Variants in CTNNA2 observed in about 807,000 individuals in gnomAD.
CTNNA2 encodes catenin alpha-2.
CTNNA2 carries 42 observed loss-of-function variants against 101.0 expected under a neutral mutation model. The ratio of observed to expected loss-of-function variants is 0.42; its 90% CI spans 0.32 to 0.54. The LOEUF (loss-of-function observed/expected upper bound fraction) is 0.54. Ranked by LOEUF, CTNNA2 falls within the 20% of genes least tolerant of loss-of-function variation. The probability of loss-of-function intolerance (pLI) is 0.14; values close to 1 mark genes in which losing one functional copy is unlikely to be tolerated. For missense variants in CTNNA2, 871 were observed against 1,223.1 expected, an observed-to-expected ratio of 0.71 and a Z score of 4.29; for synonymous variants, 450 against 456.4, an observed-to-expected ratio of 0.99 and a Z score of 0.18.
intron 3 of CTNNA2, among the ~76,000 whole-genome samples, chr2:79,779,663 A>C (rs1380842147): frequency 6.6e-6 from 1 of 152,188 alleles, no homozygotes. Context: ...ACTTTCCTAA[A>C]GTCTTTATAC....
chr2:79,982,214 A>ATC (rs1558697314), intron 7 of CTNNA2, among the ~76,000 whole-genome samples: 3 of 36,978 alleles, frequency 8.1e-5, no homozygotes, highest in African/African-American at 2.2e-4. Flanking sequence ...ATATATATAT[A>ATC]TATATATATA....
intron 16 of CTNNA2, among the ~76,000 whole-genome samples, chr2:80,606,977 A>G (rs918546358): frequency 2.6e-5 from 4 of 151,918 alleles, no homozygotes; most frequent in Non-Finnish European, 5.9e-5. Context: ...GAAGCTAAAA[A>G]CAGTCTCTGT....
At chr2:79,494,519 C>T (rs1003382339) in intron 4 of CTNNA2, among the ~76,000 whole-genome samples, 8 of 152,014 alleles carry the variant, frequency 5.3e-5, no homozygotes, top group African/African-American at 1.7e-4. Flanking sequence ...CATTAGTGAC[C>T]AATTGATTTT....
At chr2:80,539,498 A>C (rs1407460707) in intron 9 of CTNNA2, among the ~76,000 whole-genome samples, 4 of 151,684 alleles carry the variant, frequency 2.6e-5, no homozygotes, top group Non-Finnish European at 5.9e-5. Flanking sequence ...CAGGATGGAT[A>C]GTTTACCTCT....
chr2:80,350,986 G>A (rs991753136), intron 7 of CTNNA2, among the ~76,000 whole-genome samples: 5 of 152,148 alleles, frequency 3.3e-5, no homozygotes, highest in African/African-American at 1.2e-4. Context: ...CACTTCAGAT[G>A]ACCTAAAGCC....
At chr2:80,253,096 C>A (rs560599707) in intron 7 of CTNNA2, among the ~76,000 whole-genome samples, 1 of 152,186 alleles carries the variant, frequency 6.6e-6, no homozygotes, top group South Asian at 2.1e-4. Flanking sequence ...TCACCATTAT[C>A]TTTATTGCCT....
chr2:79,368,145 A>G (rs553358056), intron 3 of CTNNA2, among the ~76,000 whole-genome samples: 1 of 152,336 alleles, frequency 6.6e-6, no homozygotes, highest in African/African-American at 2.4e-5. Flanking sequence ...TTCATCATGC[A>G]CTTACCTCAG....
chr2:80,358,092 G>T (rs1053821914), intron 7 of CTNNA2, among the ~76,000 whole-genome samples: 60 of 151,960 alleles, frequency 3.9e-4, no homozygotes, highest in African/African-American at 1.4e-3. Flanking sequence ...TAGCCTTTTT[G>T]TGCCTTAGTT....
At chr2:79,313,260 GT>G (rs972252967) in intron 3 of CTNNA2, among the ~76,000 whole-genome samples, 3 of 152,128 alleles carry the variant, frequency 2.0e-5, no homozygotes, top group African/African-American at 7.2e-5. Context: ...CCAGTTTATG[GT>G]TTCAGAACTT....
intron 3 of CTNNA2, among the ~76,000 whole-genome samples, chr2:79,371,846 A>T (rs898593510): frequency 2.0e-5 from 3 of 151,886 alleles, no homozygotes; most frequent in Admixed American, 6.6e-5. Context: ...ACTACCCAGG[A>T]CTCCTGGTGA....
chr2:79,352,214 AT>A (rs892550231), intron 3 of CTNNA2, among the ~76,000 whole-genome samples: 106 of 148,852 alleles, frequency 7.1e-4, no homozygotes, highest in Admixed American at 1.9e-3. Flanking sequence ...TGCTTGTATA[AT>A]TTTTTTTTTC....
At chr2:79,470,747 T>C (rs138252246) in intron 4 of CTNNA2, among the ~76,000 whole-genome samples, 16 of 152,344 alleles carry the variant, frequency 1.1e-4, no homozygotes, top group African/African-American at 3.8e-4. Context: ...ATTATTGTAA[T>C]TGAGTTGCAG....
chr2:80,014,202 C>T (rs967749141), intron 7 of CTNNA2, among the ~76,000 whole-genome samples: 2 of 151,950 alleles, frequency 1.3e-5, no homozygotes, highest in Non-Finnish European at 2.9e-5. Context: ...AAATTTAATT[C>T]TTTTAATAAT....
chr2:79,798,770 AC>A (rs926935706), intron 3 of CTNNA2, among the ~76,000 whole-genome samples: 1 of 152,180 alleles, frequency 6.6e-6, no homozygotes, highest in Non-Finnish European at 1.5e-5. Flanking sequence ...TTTCTGAAAG[AC>A]AGGGATTTTG....
At chr2:80,240,416 C>G (rs577677976) in intron 7 of CTNNA2, among the ~76,000 whole-genome samples, 10 of 152,212 alleles carry the variant, frequency 6.6e-5, no homozygotes, top group Non-Finnish European at 1.0e-4. Context: ...ACGGAAATTG[C>G]TTGCTATTCC....
chr2:80,043,181 C>CCTTT (rs1413736347), intron 7 of CTNNA2, among the ~76,000 whole-genome samples: 1 of 65,772 alleles, frequency 1.5e-5, no homozygotes, highest in African/African-American at 7.5e-5. Flanking sequence ...TTCCTTCCTT[C>CCTTT]CTTTCTTTCT....
At chr2:80,492,091 C>T (rs552837846) in intron 9 of CTNNA2, among the ~76,000 whole-genome samples, 1 of 152,178 alleles carries the variant, frequency 6.6e-6, no homozygotes, top group Admixed American at 6.5e-5. Flanking sequence ...AATTATAATC[C>T]TCAGTGTTAG....
At chr2:79,948,154 T>A (rs1688631784) in intron 7 of CTNNA2, among the ~76,000 whole-genome samples, 1 of 152,298 alleles carries the variant, frequency 6.6e-6, no homozygotes, top group East Asian at 1.9e-4. Flanking sequence ...ATTAAGGAGT[T>A]GTTTCTTCAA....
intron 7 of CTNNA2, among the ~76,000 whole-genome samples, chr2:80,221,668 G>A (rs879647156): frequency 3.3e-5 from 5 of 152,142 alleles, no homozygotes; most frequent in African/African-American, 4.8e-5. Context: ...AAAATTTCAT[G>A]GAAGAAGGGT....
Sources: gnomAD v4.1 joint callset for allele counts (sites outside exome capture counted in the v4.1 genomes callset) on GRCh38, gnomAD v4.1.1 for gene constraint, MANE v1.5 for transcripts, NCBI Gene and HGNC (gene_info 2026-07-23, HGNC 2026-07-21) for gene names.